The following ZNF804B variants were observed in gnomAD, a reference collection of about 807,000 sequenced individuals.
The protein encoded by ZNF804B is zinc finger protein 804B.
ZNF804B carries 80 observed loss-of-function variants against 101.4 expected under a neutral mutation model. That is an observed-to-expected ratio of 0.79 (90% CI 0.66 to 0.95). The LOEUF (loss-of-function observed/expected upper bound fraction) is 0.95. Ranked by LOEUF, ZNF804B falls within the 40% of genes least tolerant of loss-of-function variation. The pLI, the probability that ZNF804B is intolerant of heterozygous loss-of-function variation, is 0.00. For missense variants in ZNF804B, 1,673 were observed against 1,561.9 expected, an observed-to-expected ratio of 1.07 and a Z score of -1.20; for synonymous variants, 622 against 558.8, an observed-to-expected ratio of 1.11 and a Z score of -1.59.
intron 1 of ZNF804B, among the ~76,000 whole-genome samples, chr7:88,777,238 A>C (rs73705514): frequency 0.086 from 13,128 of 152,178 alleles, 1,267 homozygotes; most frequent in African/African-American, 0.24. Context: ...AGAGGCAACC[A>C]CTGGCCTGGT....
intron 2 of ZNF804B, among the ~76,000 whole-genome samples, chr7:89,220,380 T>C (rs539051685): frequency 6.6e-6 from 1 of 151,714 alleles, no homozygotes; most frequent in Non-Finnish European, 1.5e-5. Flanking sequence ...ATTCACAGAA[T>C]CTTCCTCAGA....
chr7:88,817,047 C>T (rs538038277), intron 1 of ZNF804B, among the ~76,000 whole-genome samples: 1 of 152,074 alleles, frequency 6.6e-6, no homozygotes, highest in Non-Finnish European at 1.5e-5. Context: ...GAATACTATG[C>T]AGCCATAAAA....
intron 1 of ZNF804B, among the ~76,000 whole-genome samples, chr7:88,857,322 G>T (rs1267062206): frequency 6.6e-6 from 1 of 152,046 alleles, no homozygotes; most frequent in East Asian, 1.9e-4. Flanking sequence ...ATGAATCCAG[G>T]AGCTGGTTTT....
At chr7:88,810,059 C>G (rs13222244) in intron 1 of ZNF804B, among the ~76,000 whole-genome samples, 7 of 152,140 alleles carry the variant, frequency 4.6e-5, no homozygotes, top group East Asian at 1.9e-4. Flanking sequence ...ACTTGTATCT[C>G]GTAACCCAGA....
chr7:89,064,396 C>G (rs58558727), intron 1 of ZNF804B, among the ~76,000 whole-genome samples: 1 of 152,264 alleles, frequency 6.6e-6, no homozygotes, highest in East Asian at 1.9e-4. Context: ...CCGTGTCTAC[C>G]ATAGTCGCTT....
intron 1 of ZNF804B, among the ~76,000 whole-genome samples, chr7:88,937,115 CAAA>C (rs3034325): frequency 1.8e-5 from 2 of 110,950 alleles, no homozygotes. Flanking sequence ...ATGAGAATAG[CAAA>C]AAAAAAAAAA....
rs1790356325 is a variant in ZNF804B, at chr7:88,790,110, T to A, written c.108+30026T>A. On this transcript the variant is annotated intron_variant, in intron 1 of 3. Coordinates refer to ENST00000333190, the MANE Select transcript of ZNF804B (RefSeq NM_181646.5). ...ATTAGAATGGTGCTGGCCACATCAT[T>A]TGAATGTTATGTGATCATTGGCTTT... Among the ~76,000 whole-genome samples the A allele has an allele frequency of 2.6e-5, 4 of 152,212 alleles. No individual in the cohort carries two copies. In the South Asian group the frequency reaches 8.3e-4, roughly 32 times the overall value.
chr7:88,835,510 A>C (rs886541645), intron 1 of ZNF804B, among the ~76,000 whole-genome samples: 1 of 151,946 alleles, frequency 6.6e-6, no homozygotes, highest in African/African-American at 2.4e-5. Flanking sequence ...GAAGAAGGCT[A>C]TCACTGGCCA....
chr7:88,800,692 TTGTGTGTGTGTGTGTGTG>T (rs6150209), intron 1 of ZNF804B, among the ~76,000 whole-genome samples: 174 of 146,716 alleles, frequency 1.2e-3, no homozygotes, highest in African/African-American at 3.3e-3. Context: ...TAGATATGAT[TTGTGTGTGTGTGTGTGTG>T]TGTGTGTGTG....
At chr7:88,838,308 A>G (rs1368436405) in intron 1 of ZNF804B, among the ~76,000 whole-genome samples, 1 of 151,944 alleles carries the variant, frequency 6.6e-6, no homozygotes, top group Non-Finnish European at 1.5e-5. Flanking sequence ...ATCATAAGCT[A>G]ATGTGAAAAA....
chr7:88,997,502 G>A (rs181337180), intron 1 of ZNF804B, among the ~76,000 whole-genome samples: 8 of 152,142 alleles, frequency 5.3e-5, no homozygotes, highest in African/African-American at 1.7e-4. Context: ...GATATTAACT[G>A]AAGTTCTGTT....
chr7:88,871,829 G>A (rs1283568025), intron 1 of ZNF804B, among the ~76,000 whole-genome samples: 1 of 152,060 alleles, frequency 6.6e-6, no homozygotes, highest in East Asian at 1.9e-4. Flanking sequence ...TTAGCCGGGC[G>A]TGGTGGTGCA....
At chr7:88,876,026 A>T (rs564054666) in intron 1 of ZNF804B, among the ~76,000 whole-genome samples, 61 of 152,286 alleles carry the variant, frequency 4.0e-4, no homozygotes, top group South Asian at 1.0e-3. Context: ...CAATAAATGT[A>T]ATCCAGCATA....
rs1479097061 is a variant in ZNF804B at position 88,759,984 on chromosome 7, G to C, written c.8G>C (p.Cys3Ser). The change falls in exon 1 of 4, where the codon TGT (cysteine) becomes TCT (serine). Residue 3 changes from cysteine (C) to serine (S), a missense_variant. Transcript: ENST00000333190. MA[C>S]YLVISSRHLS... ...GCCTCCGCCCGGACCCACATGGCTT[G>C]TTACCTGGTCATCAGTTCGAGACAT... The C allele has an allele frequency of 6.2e-7, 1 of 1,614,182 alleles. No homozygotes were observed. Among genetic ancestry groups the C allele is most frequent in the Non-Finnish European group, 8.5e-7 (1 of 1,180,032 alleles).
At chr7:89,052,211 C>A (rs1789217232) in intron 1 of ZNF804B, among the ~76,000 whole-genome samples, 2 of 152,082 alleles carry the variant, frequency 1.3e-5, no homozygotes, top group Admixed American at 6.6e-5. Context: ...GATTATGACT[C>A]ACTGCAGCCT....
chr7:89,002,426 T>C (rs59237911), intron 1 of ZNF804B, among the ~76,000 whole-genome samples: 7,693 of 151,972 alleles, frequency 0.051, 439 homozygotes, highest in African/African-American at 0.14. Context: ...TTTCTTATTA[T>C]TGAATATTGA....
intron 1 of ZNF804B, among the ~76,000 whole-genome samples, chr7:88,928,457 A>T (rs1271965769): frequency 6.6e-6 from 1 of 152,168 alleles, no homozygotes; most frequent in Non-Finnish European, 1.5e-5. Flanking sequence ...TGCTAAAAAT[A>T]TTTGGGAAGT....
intron 1 of ZNF804B, among the ~76,000 whole-genome samples, chr7:89,081,716 C>T (rs1789700799): frequency 6.6e-6 from 1 of 151,790 alleles, no homozygotes; most frequent in African/African-American, 2.4e-5. Flanking sequence ...ATTTTAAAAT[C>T]TAACTGCTCT....
chr7:88,953,286 G>C (rs954397068), intron 1 of ZNF804B, among the ~76,000 whole-genome samples: 1 of 151,536 alleles, frequency 6.6e-6, no homozygotes. Flanking sequence ...CTCATTCCTT[G>C]TTCAGAGATC....
Sources: allele counts gnomAD v4.1 joint callset (sites outside exome capture counted in the v4.1 genomes callset), GRCh38; gene constraint gnomAD v4.1.1; transcripts MANE v1.5; gene names NCBI Gene and HGNC (gene_info 2026-07-23, HGNC 2026-07-21).